ASPRV1: variants seen among roughly 807,000 people sequenced by gnomAD.
ASPRV1 encodes the protein aspartic peptidase retroviral like 1, also known as retroviral-like aspartic protease 1.
ASPRV1 carries 7 observed loss-of-function variants against 11.0 expected under a neutral mutation model. The ratio of observed to expected loss-of-function variants is 0.64; its 90% CI spans 0.36 to 1.20. The LOEUF is 1.20. Ranked by LOEUF, ASPRV1 falls within the 50% of genes most tolerant of loss-of-function variation. ASPRV1 has a pLI of 0.02. For synonymous variants in ASPRV1, 136 were observed against 138.4 expected, an observed-to-expected ratio of 0.98 and a Z score of 0.12; for missense variants, 299 against 320.0, an observed-to-expected ratio of 0.93 and a Z score of 0.50.
chr2:69,935,434 G>A, the ASPRV1 span: 1 of 1,614,054 alleles, frequency 6.2e-7, no homozygotes, highest in Non-Finnish European at 8.5e-7. Flanking sequence ...ACTACGTTGA[G>A]TTTATTAACA....
chr2:70,042,602 T>C, the ASPRV1 span, among the ~76,000 whole-genome samples: 9 of 152,130 alleles, frequency 5.9e-5, no homozygotes, highest in Admixed American at 3.9e-4. Context: ...ATTCAGGGCA[T>C]AGAACACATG....
the ASPRV1 span, among the ~76,000 whole-genome samples, chr2:69,996,158 G>A: frequency 7.2e-6 from 1 of 138,904 alleles, no homozygotes; most frequent in South Asian, 2.3e-4. Context: ...AGGGAGGATC[G>A]CTTGAGCCCA....
At chr2:69,946,357 G>A in the ASPRV1 span, among the ~76,000 whole-genome samples, 31 of 151,720 alleles carry the variant, frequency 2.0e-4, no homozygotes, top group African/African-American at 7.6e-4. Context: ...ATGGAGCTAA[G>A]GGTCGATGCC....
the ASPRV1 span, among the ~76,000 whole-genome samples, chr2:70,064,900 C>T: frequency 6.6e-6 from 1 of 151,664 alleles, no homozygotes; most frequent in Non-Finnish European, 1.5e-5. Context: ...TCAAGACCAG[C>T]CTGGCTAACA....
At chr2:70,083,193 T>C in the ASPRV1 span, among the ~76,000 whole-genome samples, 110 of 152,216 alleles carry the variant, frequency 7.2e-4, no homozygotes, top group African/African-American at 2.4e-3. Flanking sequence ...CACATCAAAG[T>C]CCATATCAAA....
At chr2:69,964,971 C>T (rs369000526), upstream of ASPRV1, among the ~76,000 whole-genome samples, 1 of 152,236 alleles carries the variant, frequency 6.6e-6, no homozygotes, top group Non-Finnish European at 1.5e-5. Flanking sequence ...CCCATCAAGA[C>T]AAGCCCAAGA....
the ASPRV1 span, chr2:70,073,013 A>G: frequency 1.3e-5 from 2 of 152,046 alleles, no homozygotes; most frequent in East Asian, 1.9e-4. Flanking sequence ...TTGAGGCTGC[A>G]GTGAGCTGTA....
At position 69,961,571 on chromosome 2, in the gene ASPRV1, A is replaced by T; in HGVS notation, c.-135T>A. The T allele has an allele frequency of 6.2e-7, 1 of 1,614,052 alleles. No homozygotes were observed. Among genetic ancestry groups the T allele is most frequent in the South Asian group, 1.1e-5 (1 of 91,074 alleles). ...GGGATGACTTGCCCGGCCTTGGGCA[A>T]GCAGGAGGGAGCAGGCGCGGTCGGC... is the stretch of plus-strand genomic sequence containing the variant. On this transcript the variant is annotated 5_prime_UTR_variant, in exon 1 of 1. The change creates a new upstream start codon in the 5' untranslated region. Coordinates refer to ENST00000320256, the MANE Select transcript of ASPRV1 (RefSeq NM_152792.4).
chr2:70,068,064 T>A, the ASPRV1 span, among the ~76,000 whole-genome samples: 3 of 152,164 alleles, frequency 2.0e-5, no homozygotes, highest in Non-Finnish European at 4.4e-5. Context: ...CCACACTCTA[T>A]CCCAAATCCT....
the ASPRV1 span, among the ~76,000 whole-genome samples, chr2:70,047,695 G>T: frequency 3.9e-5 from 6 of 152,232 alleles, no homozygotes; most frequent in Non-Finnish European, 8.8e-5. Context: ...GGGGAAGAGG[G>T]ATTGGAGAAG....
chr2:69,972,609 C>T, the ASPRV1 span, among the ~76,000 whole-genome samples: 1 of 152,182 alleles, frequency 6.6e-6, no homozygotes, highest in African/African-American at 2.4e-5. Context: ...CTGCCTGCCT[C>T]AGCCTCCTAA....
chr2:69,979,032 TTTTG>T, the ASPRV1 span, among the ~76,000 whole-genome samples: 11 of 152,188 alleles, frequency 7.2e-5, no homozygotes, highest in African/African-American at 1.4e-4. Context: ...GGGACGTGTT[TTTTG>T]TTTGTTTTTG....
At chr2:70,078,869 G>A in the ASPRV1 span, among the ~76,000 whole-genome samples, 1 of 152,186 alleles carries the variant, frequency 6.6e-6, no homozygotes, top group East Asian at 1.9e-4. Flanking sequence ...ATTAGATTGA[G>A]GGGGCAAAGA....
the ASPRV1 span, chr2:70,085,725 T>C: frequency 6.6e-6 from 1 of 152,384 alleles, no homozygotes; most frequent in South Asian, 2.1e-4. Context: ...TTGCATCGGA[T>C]GTGCTGGCAC....
At chr2:70,075,584 C>T in the ASPRV1 span, among the ~76,000 whole-genome samples, 1 of 152,134 alleles carries the variant, frequency 6.6e-6, no homozygotes, top group African/African-American at 2.4e-5. Context: ...CAGTGGCTCA[C>T]GCCTGTAATC....
the ASPRV1 span, among the ~76,000 whole-genome samples, chr2:69,981,639 C>G: frequency 6.6e-6 from 1 of 152,190 alleles, no homozygotes; most frequent in Non-Finnish European, 1.5e-5. Flanking sequence ...TCACTGCAAC[C>G]TCCGCCTCCC....
At chr2:69,937,417 C>T in the ASPRV1 span, 1 of 1,576,798 alleles carries the variant, frequency 6.3e-7, no homozygotes, top group Non-Finnish European at 8.6e-7. Context: ...CACTCTCCTC[C>T]CTGTCTCCCT....
At chr2:69,971,046 A>G in the ASPRV1 span, 2 of 152,198 alleles carry the variant, frequency 1.3e-5, no homozygotes, top group Non-Finnish European at 2.9e-5. Context: ...GGGCACCTGC[A>G]ATCCCAGCTA....
the ASPRV1 span, among the ~76,000 whole-genome samples, chr2:70,009,513 T>G: frequency 6.6e-6 from 1 of 152,054 alleles, no homozygotes. Context: ...TATTTTTTAG[T>G]GGAGGCAGGG....
Sources: allele counts gnomAD v4.1 joint callset (sites outside exome capture counted in the v4.1 genomes callset), GRCh38; gene constraint gnomAD v4.1.1; transcripts MANE v1.5; gene names NCBI Gene and HGNC (gene_info 2026-07-23, HGNC 2026-07-21).